Variants in SLC30A4 observed in about 807,000 individuals in gnomAD.
SLC30A4 encodes the protein solute carrier family 30 member 4.
In SLC30A4, 20 loss-of-function variants were observed where a neutral mutation model predicts 41.7. The observed-to-expected ratio is 0.48, with a 90% CI of 0.34 to 0.70. The LOEUF (loss-of-function observed/expected upper bound fraction) is 0.70, where lower values mean the gene tolerates loss of function less well. SLC30A4 is among the 30% of genes least tolerant of loss of function. The pLI is 0.01. For synonymous variants in SLC30A4, 181 were observed against 195.9 expected, an observed-to-expected ratio of 0.92 and a Z score of 0.64; for missense variants, 441 against 529.3, an observed-to-expected ratio of 0.83 and a Z score of 1.64.
chr15:45,510,631 ATAAT>A (rs1566880908), intron 3 of SLC30A4, among the ~76,000 whole-genome samples: 2 of 152,236 alleles, frequency 1.3e-5, no homozygotes, highest in South Asian at 2.1e-4. Flanking sequence ...TTAACTCTTT[ATAAT>A]TAAACATTAA....
At chr15:45,509,705 C>A (rs1892240206) in intron 3 of SLC30A4, among the ~76,000 whole-genome samples, 2 of 152,156 alleles carry the variant, frequency 1.3e-5, no homozygotes, top group South Asian at 4.1e-4. Context: ...CTTGGAATAT[C>A]ACCATTTAGG....
chr15:45,522,368 C>G lies in SLC30A4; in HGVS notation c.-14G>C. The G allele has an allele frequency of 2.5e-6, 4 of 1,589,148 alleles. No individual in the cohort carries two copies. The South Asian group carries it at 3.4e-5, about 13-fold the overall frequency. On this transcript the variant is annotated 5_prime_UTR_variant, in exon 2 of 8. Coordinates refer to ENST00000261867, the MANE Select transcript of SLC30A4 (RefSeq NM_013309.6). ...AGAGCCGGCCATGGCAGAGGCTGAGCGGCCGCGGTGCGGAACGGCTTGGGG... is the reference window on the plus strand; with the variant it reads ...AGAGCCGGCCATGGCAGAGGCTGAGGGGCCGCGGTGCGGAACGGCTTGGGG...
chr15:45,518,709 C>T (rs945933737), intron 2 of SLC30A4, among the ~76,000 whole-genome samples: 12 of 151,938 alleles, frequency 7.9e-5, no homozygotes, highest in Non-Finnish European at 1.2e-4. Context: ...ACCACAGACA[C>T]GCACTACCAA....
In SLC30A4 at chr15:45,487,911, A is replaced by AGTGTGTGTGTGTGT. The variant is rs145350286; in HGVS notation, c.895-293_895-280dup. On this transcript the variant is annotated intron_variant, in intron 5 of 7. Transcript: ENST00000261867. ...AGAATATCAGAGCTGGAAAGAAGTA[A>AGTGTGTGTGTGTGT]GTGTGTGTGTGTGTGTGTGTGTGTG... Among the ~76,000 whole-genome samples the AGTGTGTGTGTGTGT allele has an allele frequency of 1.5e-3, 200 of 137,658 alleles. 2 individuals are homozygous for AGTGTGTGTGTGTGT. The highest frequency in any genetic ancestry group is 5.1e-3 in the African/African-American group (187 of 36,446). 90.3% of individuals were successfully genotyped at this position (137,658 alleles called of 152,430 possible). A position where few individuals can be genotyped will look rare whatever the true frequency, so the allele number is the denominator to read the frequency against.
chr15:45,505,920 C>G (rs933372545), intron 3 of SLC30A4, among the ~76,000 whole-genome samples: 7 of 152,160 alleles, frequency 4.6e-5, no homozygotes, highest in African/African-American at 1.7e-4. Context: ...TGGCTTATCT[C>G]TGTAATCCCA....
chr15:45,487,562 C>G lies in SLC30A4; in HGVS notation c.965G>C (p.Arg322Pro). ...TATAACTACTGTATCCCATATGATT[C>G]GAAATGTTGTAAAAGCCACAAGTAA... is the stretch of plus-strand genomic sequence containing the variant. ...FSLLVAFTTF[R>P]IIWDTVVIIL... The change falls in exon 6 of 8, where the codon CGA (arginine) becomes CCA (proline). Residue 322 changes from arginine (R) to proline (P), a missense_variant. Arg to Pro is a moderately radical substitution (Grantham distance 103). Coordinates refer to ENST00000261867, the MANE Select transcript of SLC30A4 (RefSeq NM_013309.6). The G allele has an allele frequency of 6.4e-7, 1 of 1,558,292 alleles. No homozygotes were observed. The highest frequency in any genetic ancestry group is 8.8e-7 in the Non-Finnish European group (1 of 1,130,406).
At chr15:45,490,333 C>T (rs966532428) in intron 4 of SLC30A4, among the ~76,000 whole-genome samples, 1 of 152,144 alleles carries the variant, frequency 6.6e-6, no homozygotes, top group African/African-American at 2.4e-5. Context: ...AAGTGATCTT[C>T]CCACCTTGGC....
intron 5 of SLC30A4, 59 bp downstream of exon 5, chr15:45,488,782 T>C: frequency 7.3e-7 from 1 of 1,367,136 alleles, no homozygotes; most frequent in Non-Finnish European, 1.0e-6. Flanking sequence ...ACAATCAGCC[T>C]TAGTTTTCAT....
chr15:45,505,293 A>G (rs1271019986), intron 3 of SLC30A4, among the ~76,000 whole-genome samples: 1 of 151,944 alleles, frequency 6.6e-6, no homozygotes, highest in Non-Finnish European at 1.5e-5. Flanking sequence ...TCAATAGTCC[A>G]TAAATAAATA....
chr15:45,508,711 G>A (rs1001556473), intron 3 of SLC30A4, among the ~76,000 whole-genome samples: 1 of 152,054 alleles, frequency 6.6e-6, no homozygotes, highest in Middle Eastern at 3.2e-3. Context: ...GGTGCTGTCT[G>A]GTCTACCTTC....
intron 3 of SLC30A4, among the ~76,000 whole-genome samples, chr15:45,500,801 G>C (rs1892013433): frequency 6.6e-6 from 1 of 151,844 alleles, no homozygotes; most frequent in South Asian, 2.1e-4. Flanking sequence ...TCCTGCCTCA[G>C]CCTCCCAAGT....
chr15:45,508,242 A>G (rs1892201487), intron 3 of SLC30A4, among the ~76,000 whole-genome samples: 1 of 152,098 alleles, frequency 6.6e-6, no homozygotes, highest in Non-Finnish European at 1.5e-5. Flanking sequence ...TAAAAGTAAG[A>G]CTTATTTTGG....
intron 2 of SLC30A4, among the ~76,000 whole-genome samples, chr15:45,520,356 G>A (rs1172348436): frequency 2.0e-5 from 3 of 151,880 alleles, no homozygotes; most frequent in East Asian, 3.9e-4. Context: ...CACAACTTCC[G>A]CCTCCCGGGT....
chr15:45,514,510 A>AT (rs751585996), intron 2 of SLC30A4, among the ~76,000 whole-genome samples: 3,034 of 124,994 alleles, frequency 0.024, 119 homozygotes, highest in Non-Finnish European at 0.036. Flanking sequence ...TGATATTCCA[A>AT]TTTTTTTTTT....
At chr15:45,503,346 T>C (rs139908464) in intron 3 of SLC30A4, among the ~76,000 whole-genome samples, 260 of 152,168 alleles carry the variant, frequency 1.7e-3, no homozygotes, top group African/African-American at 6.1e-3. Context: ...TCACTGGGCA[T>C]TGTGGCTCAC....
rs756671327 is a variant in SLC30A4 at position 45,522,106 on chromosome 15, C to T, written c.249G>A (p.Leu83=). ...DDSLLDQDLP[L]TNSQLSLKVD... The stretch of plus-strand genomic sequence containing the variant: ...CCTTCAAACTCAGCTGACTGTTGGT[C>T]AAAGGTAAGTCTTGGTCCAGTAAGG... The change falls in exon 2 of 8, where the codon TTG becomes TTA. Residue 83 remains leucine, a synonymous_variant. Transcript: ENST00000261867. 2 of 1,614,094 alleles carry T rather than the reference C, an allele frequency of 1.2e-6. No homozygotes were observed. Among genetic ancestry groups the T allele is most frequent in the African/African-American group, 2.7e-5 (2 of 74,936 alleles).
intron 2 of SLC30A4, among the ~76,000 whole-genome samples, chr15:45,512,791 T>TC (rs1353505556): frequency 2.0e-5 from 3 of 152,322 alleles, no homozygotes; most frequent in Admixed American, 6.5e-5. Flanking sequence ...AGCTGTCCAA[T>TC]GGTGTAGCCA....
At chr15:45,502,870 T>C (rs1208333263) in intron 3 of SLC30A4, 1 of 152,080 alleles carries the variant, frequency 6.6e-6, no homozygotes, top group Non-Finnish European at 1.5e-5. Flanking sequence ...GGTATATGCA[T>C]GCAGTCCTAG....
At chr15:45,516,364 C>A (rs996031176) in intron 2 of SLC30A4, among the ~76,000 whole-genome samples, 7 of 152,272 alleles carry the variant, frequency 4.6e-5, no homozygotes, top group Admixed American at 3.9e-4. Context: ...TTCTGATGCA[C>A]ACTAAAGCTT....
Sources: allele counts gnomAD v4.1 joint callset (sites outside exome capture counted in the v4.1 genomes callset), GRCh38; gene constraint gnomAD v4.1.1; transcripts MANE v1.5; gene names NCBI Gene and HGNC (gene_info 2026-07-23, HGNC 2026-07-21).